DNAH9: variants seen among roughly 807,000 people sequenced by gnomAD.
The protein encoded by DNAH9 is DNAH9 variant protein.
In DNAH9, 345 loss-of-function variants were observed where a neutral mutation model predicts 471.6. The observed-to-expected ratio is 0.73, with a 90% CI of 0.67 to 0.80. The LOEUF is 0.80. Among genes scored for constraint, DNAH9 ranks in the 30% least tolerant of loss-of-function variants. The probability of loss-of-function intolerance (pLI) is 0.00; values close to 1 mark genes in which losing one functional copy is unlikely to be tolerated. For synonymous variants in DNAH9, 2,093 were observed against 2,123.6 expected (o/e 0.99, Z 0.40); for missense variants, 5,407 against 5,609.2 (o/e 0.96, Z 1.15).
At chr17:11,845,007 T>A (rs985778555) in intron 49 of DNAH9, among the ~76,000 whole-genome samples, 4 of 152,160 alleles carry the variant, frequency 2.6e-5, no homozygotes, top group Admixed American at 6.5e-5. Flanking sequence ...ATCTTTTTTT[T>A]TTTATTTATT....
intron 41 of DNAH9, among the ~76,000 whole-genome samples, chr17:11,786,059 G>A (rs1203325331): frequency 6.8e-6 from 1 of 147,676 alleles, no homozygotes; most frequent in African/African-American, 2.5e-5. Flanking sequence ...ATGAAGTGGG[G>A]GTGTTACTAG....
intron 39 of DNAH9, among the ~76,000 whole-genome samples, chr17:11,782,262 C>G (rs1968699857): frequency 6.6e-6 from 1 of 152,278 alleles, no homozygotes; most frequent in East Asian, 1.9e-4. Context: ...ACTTTAGATT[C>G]ATGGTCACAA....
chr17:11,820,725 AGTTT>A (rs148292085), intron 45 of DNAH9, among the ~76,000 whole-genome samples: 7,537 of 151,996 alleles, frequency 0.05, 616 homozygotes, highest in African/African-American at 0.17. Flanking sequence ...ATATTTTCTT[AGTTT>A]GTTCTTTGTA....
chr17:11,635,371 G>A (rs927134933), intron 8 of DNAH9, among the ~76,000 whole-genome samples: 15 of 140,814 alleles, frequency 1.1e-4, no homozygotes, highest in East Asian at 2.1e-4. Flanking sequence ...TAGTAGAGAC[G>A]GGTTTTGCCA....
At chr17:11,732,779 C>T (rs2075289877) in intron 28 of DNAH9, among the ~76,000 whole-genome samples, 1 of 152,208 alleles carries the variant, frequency 6.6e-6, no homozygotes, top group South Asian at 2.1e-4. Flanking sequence ...GCCACGAGGA[C>T]ACAACCCAAT....
At position 11,695,618 on chromosome 17, in the gene DNAH9, G is replaced by GCAGT. The variant is rs1356220726; in HGVS notation, c.4872+1172_4872+1175dup. On this transcript the variant is annotated intron_variant, in intron 22 of 68. Transcript: ENST00000262442. Reference sequence around the variant, plus strand: ...TTGAGTATTAAAGTAACTAATTGAAGCAGTGTTGGTATTTGGAGCTACAGA... The same window carrying GCAGT: ...TTGAGTATTAAAGTAACTAATTGAAGCAGTCAGTGTTGGTATTTGGAGCTACAGA... 8.5e-5 allele frequency among the ~76,000 whole-genome samples: 13 copies of GCAGT among 152,330 alleles called. No homozygotes were observed. In the South Asian group the frequency reaches 2.7e-3, roughly 32 times the overall value.
At chr17:11,603,848 T>C (rs2072438828) in intron 1 of DNAH9, among the ~76,000 whole-genome samples, 1 of 152,158 alleles carries the variant, frequency 6.6e-6, no homozygotes, top group African/African-American at 2.4e-5. Flanking sequence ...CTTGACTAAA[T>C]TGAACGGCCC....
intron 49 of DNAH9, among the ~76,000 whole-genome samples, chr17:11,841,217 T>A (rs138238336): frequency 8.4e-4 from 128 of 152,262 alleles, no homozygotes; most frequent in African/African-American, 2.7e-3. Context: ...AAGAAAATGA[T>A]CAAGGCAAGT....
Position 11,835,302 on chromosome 17 carries a change from C to T in DNAH9, c.9507+404C>T, listed in dbSNP as rs184611240. 1.8e-3 allele frequency among the ~76,000 whole-genome samples: 271 copies of T among 152,206 alleles called. 1 individual carries two copies. The highest frequency in any genetic ancestry group is 2.7e-3 in the Admixed American group (42 of 15,290). On this transcript the variant is annotated intron_variant, in intron 49 of 68. Transcript: ENST00000262442. ...CTCCAGTAACCCAGGACCATTTTGC[C>T]CTTTAGGTTCTGTGGGACACACGAG...
In DNAH9 at chr17:11,830,579, TGAAAG is replaced by T. The variant is rs551835883; in HGVS notation, c.9247-4055_9247-4051del. On this transcript the variant is annotated intron_variant, in intron 48 of 68. Coordinates refer to ENST00000262442, the MANE Select transcript of DNAH9 (RefSeq NM_001372.4). ...TCATTTAGTGAGAAAAAACGAAAAA[TGAAAG>T]GAAGGGAAGATGGGAAGGGACGGGT... is the stretch of plus-strand genomic sequence containing the variant. Among the ~76,000 whole-genome samples the T allele has an allele frequency of 4.0e-5, 6 of 151,054 alleles. No homozygotes were observed. In the East Asian group the frequency reaches 7.8e-4, roughly 20 times the overall value.
At chr17:11,717,096 C>A (rs1004708286) in intron 26 of DNAH9, among the ~76,000 whole-genome samples, 3 of 152,194 alleles carry the variant, frequency 2.0e-5, no homozygotes, top group African/African-American at 7.2e-5. Flanking sequence ...CAAGACGAGA[C>A]CCAACTTTTC....
intron 27 of DNAH9, 47 bp downstream of exon 27, chr17:11,719,537 C>A: frequency 1.3e-6 from 2 of 1,556,764 alleles, no homozygotes; most frequent in Non-Finnish European, 1.7e-6. Context: ...GGGATAGGAA[C>A]TCAGGGCACC....
chr17:11,935,671 G>A (rs1286780167), intron 65 of DNAH9, among the ~76,000 whole-genome samples: 5 of 152,134 alleles, frequency 3.3e-5, no homozygotes, highest in East Asian at 1.9e-4. Flanking sequence ...ACCGCGCCCG[G>A]CCCGAAAGAT....
intron 62 of DNAH9, among the ~76,000 whole-genome samples, chr17:11,926,427 C>T (rs974175508): frequency 2.0e-5 from 3 of 152,116 alleles, no homozygotes; most frequent in Non-Finnish European, 4.4e-5. Context: ...CCACAACAGG[C>T]CTCAGTGTGT....
intron 34 of DNAH9, 26 bp from the exon 35 acceptor site, chr17:11,757,519 C>T: frequency 6.3e-7 from 1 of 1,598,724 alleles, no homozygotes; most frequent in Non-Finnish European, 8.6e-7. Context: ...GGAATATTCA[C>T]TAAACTGTAT....
At chr17:11,895,343 A>G (rs1973187505) in intron 59 of DNAH9, among the ~76,000 whole-genome samples, 1 of 152,212 alleles carries the variant, frequency 6.6e-6, no homozygotes, top group Non-Finnish European at 1.5e-5. Context: ...TTTCAGCGCC[A>G]TGTGAGGAAT....
Position 11,657,176 on chromosome 17 carries a change from C to T in DNAH9, c.2595+4174C>T, listed in dbSNP as rs562676888. Among the ~76,000 whole-genome samples the T allele has an allele frequency of 3.3e-5, 5 of 152,234 alleles. No homozygotes were observed. In the South Asian group the frequency reaches 1.0e-3, roughly 32 times the overall value. On this transcript the variant is annotated intron_variant, in intron 14 of 68. Transcript: ENST00000262442. ...CAAAAGTGATTGTGTAGTTTATACT[C>T]CCAGTGGCAGTGTAATAAAGTTCAG...
At chr17:11,812,429 G>C (rs1273725960) in intron 45 of DNAH9, among the ~76,000 whole-genome samples, 1 of 151,832 alleles carries the variant, frequency 6.6e-6, no homozygotes, top group Non-Finnish European at 1.5e-5. Flanking sequence ...ACTATATATT[G>C]TAAGTAATAT....
At chr17:11,619,476 G>T in intron 5 of DNAH9, 72 bp from the exon 6 acceptor site, 1 of 825,268 alleles carries the variant, frequency 1.2e-6, no homozygotes, top group Non-Finnish European at 2.1e-6. Flanking sequence ...CAATGATTCA[G>T]TTCAGAGTTG....
Sources: allele counts gnomAD v4.1 joint callset (sites outside exome capture counted in the v4.1 genomes callset), GRCh38; gene constraint gnomAD v4.1.1; transcripts MANE v1.5; gene names NCBI Gene and HGNC (gene_info 2026-07-23, HGNC 2026-07-21).